CNTN4: variants seen among roughly 807,000 people sequenced by gnomAD.
CNTN4 encodes contactin-4.
CNTN4 carries 77 observed loss-of-function variants against 122.5 expected under a neutral mutation model. The observed-to-expected ratio is 0.63, with a 90% CI of 0.52 to 0.76. The LOEUF is 0.76. Ranked by LOEUF, CNTN4 falls within the 30% of genes least tolerant of loss-of-function variation. CNTN4 has a pLI of 0.00. For synonymous variants in CNTN4, 512 were observed against 447.0 expected, an observed-to-expected ratio of 1.15 and a Z score of -1.83; for missense variants, 1,256 against 1,259.1, an observed-to-expected ratio of 1.00 and a Z score of 0.04.
intron 3 of CNTN4, among the ~76,000 whole-genome samples, chr3:2,520,259 C>CTTTTTTTTTTTTTT (rs397988483): frequency 2.6e-4 from 19 of 74,466 alleles, no homozygotes; most frequent in African/African-American, 1.2e-3. Context: ...TGATTGCTTC[C>CTTTTTTTTTTTTTT]TTTTTTTTTT....
At chr3:2,161,571 C>G (rs764990127) in intron 2 of CNTN4, among the ~76,000 whole-genome samples, 1 of 152,002 alleles carries the variant, frequency 6.6e-6, no homozygotes, top group African/African-American at 2.4e-5. Flanking sequence ...GACATGAACT[C>G]CAGTCATCAT....
At chr3:2,655,691 ATAACT>A (rs921565659) in intron 4 of CNTN4, among the ~76,000 whole-genome samples, 19 of 152,324 alleles carry the variant, frequency 1.2e-4, no homozygotes, top group Admixed American at 1.2e-3. Flanking sequence ...GGGAGTCATA[ATAACT>A]TAAAGCATTG....
chr3:2,494,238 G>C (rs73114209), intron 3 of CNTN4, among the ~76,000 whole-genome samples: 29 of 152,226 alleles, frequency 1.9e-4, no homozygotes, highest in African/African-American at 7.0e-4. Context: ...AGGTGGTTGG[G>C]TTACAGACCA....
intron 7 of CNTN4, among the ~76,000 whole-genome samples, chr3:2,821,200 A>T (rs1454695294): frequency 2.6e-5 from 4 of 151,840 alleles, no homozygotes; most frequent in African/African-American, 7.3e-5. Context: ...CAAGTGATCC[A>T]CCCACCTTGG....
intron 7 of CNTN4, among the ~76,000 whole-genome samples, chr3:2,854,836 A>AT (rs778685672): frequency 6.6e-6 from 1 of 152,012 alleles, no homozygotes; most frequent in South Asian, 2.1e-4. Context: ...ACCATTCAAC[A>AT]TTTTTTTCAT....
At chr3:2,538,885 T>G in intron 3 of CNTN4, among the ~76,000 whole-genome samples, 1 of 151,720 alleles carries the variant, frequency 6.6e-6, no homozygotes, top group African/African-American at 2.4e-5. Context: ...TTAATTTGAT[T>G]TATTACTTAA....
At chr3:2,590,471 G>C (rs1405180932) in intron 4 of CNTN4, among the ~76,000 whole-genome samples, 1 of 151,736 alleles carries the variant, frequency 6.6e-6, no homozygotes, top group Non-Finnish European at 1.5e-5. Context: ...TGGCCAGGCT[G>C]GTCTCAAACT....
intron 3 of CNTN4, among the ~76,000 whole-genome samples, chr3:2,437,452 T>C (rs9821959): frequency 0.37 from 55,494 of 151,976 alleles, 11,398 homozygotes; most frequent in East Asian, 0.77. Flanking sequence ...GCCCTTTATA[T>C]TGTGAAATTT....
intron 6 of CNTN4, among the ~76,000 whole-genome samples, chr3:2,807,815 C>A (rs2092506607): frequency 6.6e-6 from 1 of 152,130 alleles, no homozygotes; most frequent in Non-Finnish European, 1.5e-5. Flanking sequence ...TTCTGCAGAG[C>A]ATGGATGCCA....
intron 3 of CNTN4, among the ~76,000 whole-genome samples, chr3:2,549,932 G>A (rs2078416019): frequency 6.6e-6 from 1 of 152,070 alleles, no homozygotes; most frequent in African/African-American, 2.4e-5. Context: ...TCTTGGGAGG[G>A]TGTATGTATC....
intron 5 of CNTN4, among the ~76,000 whole-genome samples, chr3:2,743,776 G>A (rs749358043): frequency 3.9e-5 from 6 of 152,138 alleles, no homozygotes; most frequent in African/African-American, 9.7e-5. Flanking sequence ...GGACAATTCC[G>A]TAGGAGATTG....
chr3:2,291,782 A>G (rs1685443), intron 2 of CNTN4, among the ~76,000 whole-genome samples: 80,825 of 151,842 alleles, frequency 0.53, 22,859 homozygotes, highest in African/African-American at 0.72. Context: ...TGTGCAGGCT[A>G]GAGGGCGATG....
chr3:2,787,793 G>GT (rs10538575), intron 6 of CNTN4, among the ~76,000 whole-genome samples: 50,786 of 138,296 alleles, frequency 0.37, 9,054 homozygotes, highest in Non-Finnish European at 0.41. Context: ...GTGGGTTTTT[G>GT]TTTTTTTTTT....
At chr3:2,634,636 C>T (rs920748049) in intron 4 of CNTN4, among the ~76,000 whole-genome samples, 1 of 150,200 alleles carries the variant, frequency 6.7e-6, no homozygotes, top group Non-Finnish European at 1.5e-5. Flanking sequence ...CGAGACCATC[C>T]TGGCTAACAC....
chr3:2,384,754 A>ATGTG (rs551578723), intron 3 of CNTN4, among the ~76,000 whole-genome samples: 270 of 135,506 alleles, frequency 2.0e-3, no homozygotes, highest in African/African-American at 7.0e-3. Flanking sequence ...TAACAACTCA[A>ATGTG]TGTGTGCGTG....
At chr3:2,465,547 T>C (rs2075466642) in intron 3 of CNTN4, among the ~76,000 whole-genome samples, 3 of 151,918 alleles carry the variant, frequency 2.0e-5, no homozygotes. Flanking sequence ...TGTGGCAGCG[T>C]GCGCCTGTAG....
intron 7 of CNTN4, among the ~76,000 whole-genome samples, chr3:2,843,172 A>G (rs994031499): frequency 5.3e-5 from 8 of 152,198 alleles, no homozygotes; most frequent in East Asian, 1.9e-4. Flanking sequence ...TTATTCTCCT[A>G]TAGTTTTCCC....
intron 3 of CNTN4, among the ~76,000 whole-genome samples, chr3:2,480,894 A>G (rs569287664): frequency 4.8e-4 from 73 of 152,228 alleles, no homozygotes; most frequent in Non-Finnish European, 8.8e-4. Flanking sequence ...TGTTGAAAGA[A>G]CAGACAAATA....
At chr3:2,965,409 A>G (rs899654227) in intron 13 of CNTN4, among the ~76,000 whole-genome samples, 1 of 152,192 alleles carries the variant, frequency 6.6e-6, no homozygotes, top group Non-Finnish European at 1.5e-5. Context: ...TGCTAATGCA[A>G]TACAGTAGCC....
Sources: allele counts gnomAD v4.1 joint callset (sites outside exome capture counted in the v4.1 genomes callset), GRCh38; gene constraint gnomAD v4.1.1; transcripts MANE v1.5; gene names NCBI Gene and HGNC (gene_info 2026-07-23, HGNC 2026-07-21).